OSBPL10: variants seen among roughly 807,000 people sequenced by gnomAD.
OSBPL10 encodes oxysterol-binding protein-related protein 10.
A neutral mutation model predicts 81.7 loss-of-function variants in OSBPL10; 49 were observed. The ratio of observed to expected loss-of-function variants is 0.60; its 90% CI spans 0.48 to 0.76. The LOEUF (loss-of-function observed/expected upper bound fraction) is 0.76, where lower values mean the gene tolerates loss of function less well. Among genes scored for constraint, OSBPL10 ranks in the 30% least tolerant of loss-of-function variants. OSBPL10 has a pLI of 0.00. For synonymous variants in OSBPL10, 419 were observed against 383.6 expected, an observed-to-expected ratio of 1.09 and a Z score of -1.08; for missense variants, 923 against 987.8, an observed-to-expected ratio of 0.93 and a Z score of 0.88.
chr3:31,898,933 A>C (rs1274962580), intron 1 of OSBPL10, among the ~76,000 whole-genome samples: 1 of 147,612 alleles, frequency 6.8e-6, no homozygotes, highest in Admixed American at 6.7e-5. Flanking sequence ...AGAAAGTTTA[A>C]GACAGTTAAC....
At chr3:32,062,031 C>T (rs1699755814) in intron 1 of OSBPL10, among the ~76,000 whole-genome samples, 1 of 93,212 alleles carries the variant, frequency 1.1e-5, no homozygotes, top group African/African-American at 2.8e-5. Context: ...GACATGGAGA[C>T]CCAACTACAG....
At position 31,907,452 on chromosome 3, in the gene OSBPL10, T is replaced by C. The variant is rs559349230; in HGVS notation, c.282-27622A>G. Reference sequence around the variant, plus strand: ...GATCAGCCTGGCCAACATGGTGAAATCCCGTCTCCACTAAAAATACAAAAA... The same window carrying C: ...GATCAGCCTGGCCAACATGGTGAAACCCCGTCTCCACTAAAAATACAAAAA... On this transcript the variant is annotated intron_variant, in intron 1 of 11. Coordinates refer to ENST00000396556, the MANE Select transcript of OSBPL10 (RefSeq NM_017784.5). Among the ~76,000 whole-genome samples, 521 of 151,296 alleles carry C rather than the reference T, an allele frequency of 3.4e-3. 8 individuals carry two copies. Among genetic ancestry groups the C allele is most frequent in the East Asian group, 3.7e-3 (19 of 5,136 alleles).
At chr3:31,808,064 T>C (rs910329201) in intron 4 of OSBPL10, among the ~76,000 whole-genome samples, 3 of 152,184 alleles carry the variant, frequency 2.0e-5, no homozygotes, top group Non-Finnish European at 2.9e-5. Flanking sequence ...ATTTTGTAAC[T>C]GAGCAGCTAG....
intron 2 of OSBPL10, among the ~76,000 whole-genome samples, chr3:32,044,354 T>A (rs1415609391): frequency 4.0e-5 from 6 of 149,220 alleles, no homozygotes; most frequent in Non-Finnish European, 1.5e-5. Context: ...CAAAGAATAT[T>A]AGTTGGGAAA....
At chr3:31,932,226 C>A (rs939025288) in intron 1 of OSBPL10, among the ~76,000 whole-genome samples, 1 of 152,098 alleles carries the variant, frequency 6.6e-6, no homozygotes, top group Non-Finnish European at 1.5e-5. Flanking sequence ...TAAGTTTATG[C>A]TAAAATAATC....
At chr3:31,773,771 CTCAG>C (rs1029919763) in intron 4 of OSBPL10, among the ~76,000 whole-genome samples, 5 of 152,224 alleles carry the variant, frequency 3.3e-5, no homozygotes, top group Admixed American at 6.5e-5. Context: ...AGTAGTGACA[CTCAG>C]TCAGAGACTC....
chr3:31,853,473 G>A (rs989260463), intron 3 of OSBPL10, among the ~76,000 whole-genome samples: 3 of 152,154 alleles, frequency 2.0e-5, no homozygotes, highest in Admixed American at 6.5e-5. Context: ...GGCAAGAGTG[G>A]TAGGGAAGGT....
At chr3:31,949,125 G>C (rs1411149922) in intron 1 of OSBPL10, among the ~76,000 whole-genome samples, 2 of 152,176 alleles carry the variant, frequency 1.3e-5, no homozygotes, top group African/African-American at 4.8e-5. Context: ...GGAAGTTGGG[G>C]AAAGAGGAGT....
rs116448290 is a variant in OSBPL10, at chr3:31,715,413, T to C, written c.1096-12905A>G. Among the ~76,000 whole-genome samples the C allele has an allele frequency of 6.3e-3, 963 of 152,332 alleles. 7 individuals carry two copies. Among genetic ancestry groups the C allele is most frequent in the African/African-American group, 0.022 (923 of 41,572 alleles). Reference sequence around the variant, plus strand: ...ACCTGTAAGAACAGCATTGGCACCATGATGCTGGCTCTAACAATCTGGGCA... The same window carrying C: ...ACCTGTAAGAACAGCATTGGCACCACGATGCTGGCTCTAACAATCTGGGCA... On this transcript the variant is annotated intron_variant, in intron 6 of 11. Transcript: ENST00000396556.
chr3:31,817,064 C>A (rs1252922005), intron 4 of OSBPL10, among the ~76,000 whole-genome samples: 1 of 152,174 alleles, frequency 6.6e-6, no homozygotes, highest in Non-Finnish European at 1.5e-5. Flanking sequence ...CTGGCTGAGC[C>A]CAGGGCTTTT....
intron 7 of OSBPL10, among the ~76,000 whole-genome samples, chr3:31,693,506 T>C (rs1292568587): frequency 6.6e-6 from 1 of 152,198 alleles, no homozygotes; most frequent in Non-Finnish European, 1.5e-5. Context: ...CGTACACAGG[T>C]AATGATGTCA....
chr3:31,892,849 C>T (rs1278013687), intron 1 of OSBPL10, among the ~76,000 whole-genome samples: 1 of 152,102 alleles, frequency 6.6e-6, no homozygotes, highest in African/African-American at 2.4e-5. Flanking sequence ...TGGAGCAAGC[C>T]ACGGACCAGC....
chr3:31,688,623 A>G (rs1700860091), intron 7 of OSBPL10, among the ~76,000 whole-genome samples: 1 of 152,172 alleles, frequency 6.6e-6, no homozygotes, highest in Non-Finnish European at 1.5e-5. Flanking sequence ...TTCCTTTGAC[A>G]TGTTTAAGTT....
rs577727355 is a variant in OSBPL10 at position 32,060,603 on chromosome 3, A to C, written n.186-14000T>G. ...GTCTCCAAGCATTCTCTTCCATTGCAGCCAGAATTAAGTTCAAACAGGCAA... is the reference window on the plus strand; with the variant it reads ...GTCTCCAAGCATTCTCTTCCATTGCCGCCAGAATTAAGTTCAAACAGGCAA... On this transcript the variant is annotated intron_variant and non_coding_transcript_variant, in intron 1 of 3. Coordinates refer to the OSBPL10 transcript ENST00000479173. 8.7e-4 allele frequency among the ~76,000 whole-genome samples: 29 copies of C among 33,430 alleles called. 12 individuals carry two copies. The South Asian group carries it at 0.046, about 53-fold the overall frequency. The allele number at this position is 33,430 out of a possible 152,430, so 21.9% of individuals were successfully genotyped here.
upstream of OSBPL10, chr3:31,981,366 G>C (rs1698839916): frequency 2.0e-6 from 2 of 1,001,756 alleles, no homozygotes; most frequent in African/African-American, 1.7e-5. This position sits in a 1 kb window ranked among gnomAD's most constrained non-coding sequence, Gnocchi z 4.5. Flanking sequence ...AGCCAACGGG[G>C]CTGGATGCAG....
intron 4 of OSBPL10, among the ~76,000 whole-genome samples, chr3:31,783,144 T>TAG (rs1193969514): frequency 2.0e-5 from 2 of 100,660 alleles, no homozygotes; most frequent in African/African-American, 8.6e-5. Flanking sequence ...TATATATATA[T>TAG]ATACACACAC....
At chr3:31,778,844 C>A (rs933318689) in intron 4 of OSBPL10, among the ~76,000 whole-genome samples, 2 of 152,018 alleles carry the variant, frequency 1.3e-5, no homozygotes, top group African/African-American at 4.8e-5. Context: ...TAAAGGAAAA[C>A]CTATCAGATT....
chr3:31,848,045 C>A (rs1040923554), intron 3 of OSBPL10, among the ~76,000 whole-genome samples: 2 of 152,202 alleles, frequency 1.3e-5, no homozygotes, highest in South Asian at 4.2e-4. Context: ...CTACCTGGAG[C>A]GGAGAGCAGG....
At chr3:31,708,380 TCA>T (rs994017232) in intron 6 of OSBPL10, among the ~76,000 whole-genome samples, 6 of 152,332 alleles carry the variant, frequency 3.9e-5, no homozygotes, top group African/African-American at 1.4e-4. Flanking sequence ...TACATAATCC[TCA>T]CAGTGTATCT....
Sources: gnomAD v4.1 joint callset for allele counts (sites outside exome capture counted in the v4.1 genomes callset) on GRCh38, gnomAD v4.1.1 for gene constraint, Gnocchi (gnomAD v3.1) non-coding constraint, MANE v1.5 for transcripts, NCBI Gene and HGNC (gene_info 2026-07-23, HGNC 2026-07-21) for gene names.